EFCAB11: variants seen among roughly 807,000 people sequenced by gnomAD.
EFCAB11 encodes EF-hand calcium binding domain 11.
EFCAB11 carries 14 observed loss-of-function variants against 23.0 expected under a neutral mutation model. That is an observed-to-expected ratio of 0.61 (90% CI 0.40 to 0.95). The LOEUF is 0.95. EFCAB11 is among the 40% of genes least tolerant of loss of function. EFCAB11 has a pLI of 0.00. For synonymous variants in EFCAB11, 65 were observed against 66.6 expected (o/e 0.98, Z 0.11); for missense variants, 198 against 195.8 (o/e 1.01, Z -0.07).
At chr14:89,885,359 G>A (rs1448634972) in intron 5 of EFCAB11, among the ~76,000 whole-genome samples, 1 of 152,126 alleles carries the variant, frequency 6.6e-6, no homozygotes, top group Non-Finnish European at 1.5e-5. Context: ...AATTGATCTA[G>A]TCTAAAGATT....
chr14:89,867,291 C>G (rs1034802865), intron 5 of EFCAB11, among the ~76,000 whole-genome samples: 2 of 152,212 alleles, frequency 1.3e-5, no homozygotes, highest in African/African-American at 4.8e-5. Context: ...TTATTACTAT[C>G]TGGCGTATTG....
intron 5 of EFCAB11, among the ~76,000 whole-genome samples, chr14:89,891,208 G>C (rs960754378): frequency 3.3e-5 from 5 of 152,170 alleles, no homozygotes; most frequent in African/African-American, 1.2e-4. Context: ...GTGAGCTCCA[G>C]AAAGTTGAAT....
chr14:89,840,497 G>C (rs1887223446), intron 5 of EFCAB11, among the ~76,000 whole-genome samples: 1 of 152,168 alleles, frequency 6.6e-6, no homozygotes, highest in South Asian at 2.1e-4. Context: ...ATCTCTTTCA[G>C]TAATGACCAT....
At chr14:89,812,519 G>GA (rs1490927524) in intron 5 of EFCAB11, among the ~76,000 whole-genome samples, 1 of 152,158 alleles carries the variant, frequency 6.6e-6, no homozygotes, top group Non-Finnish European at 1.5e-5. Context: ...TTGACAACAA[G>GA]AAACACCAGG....
chr14:89,864,399 T>TC (rs1888021969), intron 5 of EFCAB11, among the ~76,000 whole-genome samples: 1 of 152,098 alleles, frequency 6.6e-6, no homozygotes, highest in Admixed American at 6.6e-5. Flanking sequence ...TTTCTCTTTT[T>TC]CCCTTTTCTT....
chr14:89,831,708 T>A (rs1322900490), intron 5 of EFCAB11, among the ~76,000 whole-genome samples: 1 of 152,176 alleles, frequency 6.6e-6, no homozygotes, highest in African/African-American at 2.4e-5. Flanking sequence ...ATTTCTATAT[T>A]GTTAGAAGTT....
At chr14:89,807,591 C>T (rs10132707) in intron 5 of EFCAB11, among the ~76,000 whole-genome samples, 4,236 of 152,228 alleles carry the variant, frequency 0.028, 204 homozygotes, top group African/African-American at 0.095. Context: ...TTTGTAAATG[C>T]CCTCCTAATT....
chr14:89,889,325 A>G (rs1441749904), intron 5 of EFCAB11, among the ~76,000 whole-genome samples: 2 of 152,246 alleles, frequency 1.3e-5, no homozygotes, highest in Non-Finnish European at 2.9e-5. Context: ...AAGCCTTACT[A>G]TGAATCCTGT....
chr14:89,928,112 T>A (rs1364621140), intron 5 of EFCAB11, among the ~76,000 whole-genome samples: 1 of 152,222 alleles, frequency 6.6e-6, no homozygotes, highest in African/African-American at 2.4e-5. Context: ...GTCAACAAAG[T>A]ATCTTCTTTG....
At chr14:89,942,869 C>T (rs995025293) in intron 3 of EFCAB11, among the ~76,000 whole-genome samples, 2 of 152,176 alleles carry the variant, frequency 1.3e-5, no homozygotes, top group African/African-American at 2.4e-5. Flanking sequence ...TTAATTTTCA[C>T]GAGGAAATCT....
intron 5 of EFCAB11, among the ~76,000 whole-genome samples, chr14:89,890,557 T>C (rs1376906026): frequency 6.6e-6 from 1 of 152,240 alleles, no homozygotes; most frequent in Non-Finnish European, 1.5e-5. Flanking sequence ...GGAGACAAAG[T>C]ATTTAAGAAT....
intron 5 of EFCAB11, among the ~76,000 whole-genome samples, chr14:89,908,803 AAG>A (rs896117711): frequency 3.9e-5 from 6 of 152,266 alleles, no homozygotes; most frequent in East Asian, 3.9e-4. Context: ...CAAGTGGGAA[AAG>A]AGAGGGATTC....
At chr14:89,836,743 GCA>G (rs1289605390) in intron 5 of EFCAB11, 1 of 443,420 alleles carries the variant, frequency 2.3e-6, no homozygotes, top group African/African-American at 2.0e-5. Flanking sequence ...ACATGGCTGG[GCA>G]CAGTGGCTTA....
intron 5 of EFCAB11, among the ~76,000 whole-genome samples, chr14:89,858,427 AT>A (rs1468779606): frequency 6.6e-6 from 1 of 152,224 alleles, no homozygotes; most frequent in Non-Finnish European, 1.5e-5. Context: ...TGTCAGGGAA[AT>A]TTGTTACTCA....
rs114646467 is a variant in EFCAB11 at position 89,845,628 on chromosome 14, C to T, written c.411-48304G>A. On this transcript the variant is annotated intron_variant, in intron 5 of 5. Coordinates refer to ENST00000316738, the MANE Select transcript of EFCAB11 (RefSeq NM_145231.4). Reference sequence around the variant, plus strand: ...TTCTTCAGCTCTCTTGTAAGGAGTGCCCAGAGGATTAACTTCTGCGGGGCT... The same window carrying T: ...TTCTTCAGCTCTCTTGTAAGGAGTGTCCAGAGGATTAACTTCTGCGGGGCT... Among the ~76,000 whole-genome samples, 1,020 of 152,230 alleles carry T rather than the reference C, an allele frequency of 6.7e-3. 18 individuals are homozygous for T. Among genetic ancestry groups the T allele is most frequent in the African/African-American group, 0.024 (984 of 41,524 alleles).
chr14:89,911,450 A>G (rs1271605243), intron 5 of EFCAB11, among the ~76,000 whole-genome samples: 1 of 152,254 alleles, frequency 6.6e-6, no homozygotes, highest in Non-Finnish European at 1.5e-5. Flanking sequence ...ACCTTCCTCA[A>G]GACAAGTAAA....
intron 5 of EFCAB11, among the ~76,000 whole-genome samples, chr14:89,841,265 G>A (rs1043140103): frequency 3.3e-5 from 5 of 151,836 alleles, no homozygotes; most frequent in African/African-American, 9.7e-5. Context: ...TCCTTTCACC[G>A]CCTGACTCTT....
intron 5 of EFCAB11, among the ~76,000 whole-genome samples, chr14:89,867,654 G>A (rs377700930): frequency 4.9e-4 from 74 of 152,282 alleles, no homozygotes; most frequent in South Asian, 1.5e-3. Flanking sequence ...TAAGTATTTT[G>A]TTTTAATAAT....
chr14:89,884,326 TAA>T (rs1888687700), intron 5 of EFCAB11, among the ~76,000 whole-genome samples: 1 of 152,124 alleles, frequency 6.6e-6, no homozygotes, highest in Non-Finnish European at 1.5e-5. Context: ...AAGCATTTAA[TAA>T]AAGTCAGTAT....
Sources: allele counts gnomAD v4.1 joint callset (sites outside exome capture counted in the v4.1 genomes callset), GRCh38; gene constraint gnomAD v4.1.1; transcripts MANE v1.5; gene names NCBI Gene and HGNC (gene_info 2026-07-23, HGNC 2026-07-21).